The following CA14 variants were observed in gnomAD, a reference collection of about 807,000 sequenced individuals.
CA14 encodes the protein CA-XIV.
Under a neutral mutation model 48.8 loss-of-function variants are expected in CA14, and 44 were observed. The observed-to-expected ratio is 0.90, with a 90% CI of 0.71 to 1.16. The LOEUF (loss-of-function observed/expected upper bound fraction) is 1.16, where lower values mean the gene tolerates loss of function less well. CA14 is among the 50% of genes most tolerant of loss of function. The pLI is 0.00. For synonymous variants in CA14, 154 were observed against 155.0 expected (o/e 0.99, Z 0.05); for missense variants, 386 against 401.0 (o/e 0.96, Z 0.32).
At chr1:150,258,240 G>T in intron 1 of CA14, 57 bp downstream of exon 1, 2 of 1,465,962 alleles carry the variant, frequency 1.4e-6, no homozygotes, top group Non-Finnish European at 9.5e-7. Flanking sequence ...ATGTCGCCAG[G>T]TGTGCTTAAT....
At position 150,263,284 on chromosome 1, in the gene CA14, GC is replaced by G. The variant is rs782579828; in HGVS notation, c.721-14del. 6.2e-7 allele frequency: 1 copy of G among 1,614,038 alleles called. No individual in the cohort carries two copies. The highest frequency in any genetic ancestry group is 1.1e-5 in the South Asian group (1 of 91,074). Reference sequence around the variant, plus strand: ...CTCCCCAAAGTAACACCTCTCCCACGCTTCTGCTCCTCAGCTGGAAAAGCTT... The same window carrying G: ...CTCCCCAAAGTAACACCTCTCCCACGTTCTGCTCCTCAGCTGGAAAAGCTT... On this transcript the variant is annotated splice_polypyrimidine_tract_variant and intron_variant, in intron 7 of 10. Coordinates refer to ENST00000369111, the MANE Select transcript of CA14 (RefSeq NM_012113.3).
rs1007939345 is a variant in CA14, at chr1:150,263,081, T to G, written c.602T>G (p.Leu201Arg). Residue 201 changes from leucine to arginine, a missense_variant, in exon 7 of 11, where the codon CTG (leucine) becomes CGG (arginine). By Grantham distance (102) the Leu-to-Arg change is moderately radical. Coordinates refer to ENST00000369111, the MANE Select transcript of CA14 (RefSeq NM_012113.3). ...TSVPPFNLRE[L>R]LPKQLGQYFR... ...GTGCCTCCCTTCAACCTAAGAGAGC[T>G]GCTCCCCAAACAGCTGGGGCAGTAC... 1 of 1,614,122 alleles carries G rather than the reference T, an allele frequency of 6.2e-7. No homozygotes were observed. Among genetic ancestry groups the G allele is most frequent in the Non-Finnish European group, 8.5e-7 (1 of 1,179,994 alleles).
chr1:150,263,120 G>A lies in CA14; in HGVS notation c.641G>A (p.Gly214Asp). 1 of 1,614,050 alleles carries A rather than the reference G, an allele frequency of 6.2e-7. No individual in the cohort carries two copies. The highest frequency in any genetic ancestry group is 8.5e-7 in the Non-Finnish European group (1 of 1,179,992). Residue 214 changes from glycine to aspartate, a missense_variant, in exon 7 of 11, where the codon GGC becomes GAC. Transcript: ENST00000369111. ...CTGGGGCAGTACTTCCGCTACAATG[G>A]CTCGCTCACAACTCCCCCTTGCTAC... is the stretch of plus-strand genomic sequence containing the variant. The part of the protein sequence containing the change: ...KQLGQYFRYN[G>D]SLTTPPCYQS...
At position 150,263,059 on chromosome 1, in the gene CA14, C is replaced by T. The variant is rs781893937; in HGVS notation, c.580C>T (p.Pro194Ser). The T allele has an allele frequency of 6.8e-6, 11 of 1,613,982 alleles. No individual in the cohort carries two copies. In the Admixed American group the frequency reaches 1.7e-4, roughly 24 times the overall value. Reference sequence around the variant, plus strand: ...CTCCCCAGATCAGAAGACCTCAGTGCCTCCCTTCAACCTAAGAGAGCTGCT... The same window carrying T: ...CTCCCCAGATCAGAAGACCTCAGTGTCTCCCTTCAACCTAAGAGAGCTGCT... ...VRHKDQKTSVPPFNLRELLPK... is the reference protein window; with the variant it reads ...VRHKDQKTSVSPFNLRELLPK... The change falls in exon 7 of 11, where the codon CCT becomes TCT. Residue 194 changes from proline (P) to serine (S), a missense_variant. Pro to Ser is a moderately conservative substitution (Grantham distance 74). Transcript: ENST00000369111.
rs1650697712 is a variant in CA14, at chr1:150,258,107, CT to C, written c.-21del. The C allele has an allele frequency of 1.2e-6, 2 of 1,602,050 alleles. No homozygotes were observed. The highest frequency in any genetic ancestry group is 1.7e-5 in the Admixed American group (1 of 59,358). ...CTCTAGTCCTCAAATTCCCAGTCCC[CT>C]GCACCCCTTCCTGGGACACTATGTT... On this transcript the variant is annotated 5_prime_UTR_variant, in exon 1 of 11. Transcript: ENST00000369111.
rs782077787 is a variant in CA14, at chr1:150,263,159, G to C, written c.680G>C (p.Trp227Ser). Residue 227 changes from tryptophan (W) to serine (S), a missense_variant, in exon 7 of 11, where the codon TGG (tryptophan) becomes TCG (serine). Transcript: ENST00000369111. ...TTPPCYQSVLWTVFYRRSQIS... is the reference protein window; with the variant it reads ...TTPPCYQSVLSTVFYRRSQIS... Reference sequence around the variant, plus strand: ...CCCCCTTGCTACCAGAGTGTGCTCTGGACAGTTTTTTATAGAAGGTCCCAG... The same window carrying C: ...CCCCCTTGCTACCAGAGTGTGCTCTCGACAGTTTTTTATAGAAGGTCCCAG... 1 of 1,614,102 alleles carries C rather than the reference G, an allele frequency of 6.2e-7. No individual in the cohort carries two copies. Among genetic ancestry groups the C allele is most frequent in the Admixed American group, 1.7e-5 (1 of 60,018 alleles).
Position 150,264,771 on chromosome 1 carries a change from G to C in CA14, c.*112G>C. Reference sequence around the variant, plus strand: ...AACACTGTAGGAGTAGTAAGCAGATGTCCTCCTTCCCCTGGACATCTCCTA... The same window carrying C: ...AACACTGTAGGAGTAGTAAGCAGATCTCCTCCTTCCCCTGGACATCTCCTA... On this transcript the variant is annotated 3_prime_UTR_variant, in exon 11 of 11. Transcript: ENST00000369111. 1 of 709,550 alleles carries C rather than the reference G, an allele frequency of 1.4e-6. No homozygotes were observed. The highest frequency in any genetic ancestry group is 2.3e-6 in the Non-Finnish European group (1 of 429,046). The allele number at this position is 709,550 out of a possible 1,614,324, so 44.0% of individuals were successfully genotyped here. A position where few individuals can be genotyped will look rare whatever the true frequency, so the allele number is the denominator to read the frequency against.
In CA14 at chr1:150,262,628, GC is replaced by G; in HGVS notation, c.495+13del. ...CTGGGCATCCTAATTGAGGTCAGTAGCCCCCAGTCCCTTCCAGGTTTCTCTC... is the reference window on the plus strand; with the variant it reads ...CTGGGCATCCTAATTGAGGTCAGTAGCCCCAGTCCCTTCCAGGTTTCTCTC... On this transcript the variant is annotated intron_variant, in intron 5 of 10. Transcript: ENST00000369111. 1.2e-6 allele frequency: 2 copies of G among 1,602,422 alleles called. No individual in the cohort carries two copies. The highest frequency in any genetic ancestry group is 1.7e-6 in the Non-Finnish European group (2 of 1,169,364).
Position 150,258,107 on chromosome 1 carries a change from C to T in CA14, c.-22C>T, listed in dbSNP as rs988318449. The T allele has an allele frequency of 6.9e-6, 11 of 1,602,050 alleles. No homozygotes were observed. Among genetic ancestry groups the T allele is most frequent in the African/African-American group, 1.3e-5 (1 of 74,654 alleles). On this transcript the variant is annotated 5_prime_UTR_variant, in exon 1 of 11. Transcript: ENST00000369111. The stretch of plus-strand genomic sequence containing the variant: ...CTCTAGTCCTCAAATTCCCAGTCCC[C>T]TGCACCCCTTCCTGGGACACTATGT...
rs782042950 is a variant in CA14, at chr1:150,261,608, C to A, written c.226C>A (p.Pro76Thr). 1 of 1,614,068 alleles carries A rather than the reference C, an allele frequency of 6.2e-7. No individual in the cohort carries two copies. The highest frequency in any genetic ancestry group is 8.5e-7 in the Non-Finnish European group (1 of 1,179,966). The change falls in exon 3 of 11, where the codon CCT (proline) becomes ACT (threonine). Residue 76 changes from proline (P) to threonine (T), a missense_variant. Transcript: ENST00000369111. ...PHGYDQPGTE[P>T]LDLHNNGHTV... ...CGGATATGACCAGCCTGGCACCGAG[C>A]CTTTGGACCTGCACAACAATGGCCA...
intron 3 of CA14, 58 bp from the exon 4 acceptor site, chr1:150,262,100 A>G: frequency 6.2e-7 from 1 of 1,607,922 alleles, no homozygotes; most frequent in Non-Finnish European, 8.5e-7. Flanking sequence ...GTGGCAACCC[A>G]GGAGTGGGAA....
At chr1:150,263,915 C>CTTCT (rs1651378713) in intron 10 of CA14, 37 bp downstream of exon 10, 1 of 788,632 alleles carries the variant, frequency 1.3e-6, no homozygotes, top group Non-Finnish European at 1.9e-6. Flanking sequence ...GTCCCTTCTT[C>CTTCT]TTTTTTTTTT....
Position 150,258,088 on chromosome 1 carries a change from T to G in CA14, c.-41T>G. 6.5e-7 allele frequency: 1 copy of G among 1,533,942 alleles called. No homozygotes were observed. Among genetic ancestry groups the G allele is most frequent in the Non-Finnish European group, 9.0e-7 (1 of 1,116,962 alleles). ...CTCTCTGCCTGTCCTAGTCCTCTAG[T>G]CCTCAAATTCCCAGTCCCCTGCACC... On this transcript the variant is annotated 5_prime_UTR_variant, in exon 1 of 11. Coordinates refer to ENST00000369111, the MANE Select transcript of CA14 (RefSeq NM_012113.3).
intron 2 of CA14, 28 bp from the exon 3 acceptor site, chr1:150,261,431 G>A (rs368343263): frequency 4.3e-4 from 685 of 1,605,292 alleles, no homozygotes; most frequent in Non-Finnish European, 5.5e-4. Context: ...TGGAGGACAG[G>A]ACCAATGTCT....
chr1:150,261,680 A>T (rs781859421), intron 3 of CA14, 42 bp downstream of exon 3: 4 of 1,574,838 alleles, frequency 2.5e-6, no homozygotes, highest in Non-Finnish European at 3.5e-6. Context: ...TCCAGCTCAG[A>T]TCTTAGGAGT....
Position 150,260,751 on chromosome 1 carries a change from G to GAC in CA14, c.76+580_76+581insAC, listed in dbSNP as rs1168655049. On this transcript the variant is annotated intron_variant, in intron 2 of 10. Transcript: ENST00000369111. The stretch of plus-strand genomic sequence containing the variant: ...CCTCCAGGAGACCGTATCTCTCTAG[G>GAC]TTATTTTTTTTTTTTTTTTTTTTTT... 1.9e-5 allele frequency: 2 copies of GAC among 103,340 alleles called. 1 individual carries two copies. The highest frequency in any genetic ancestry group is 3.7e-5 in the Non-Finnish European group (2 of 54,252). The allele number at this position is 103,340 out of a possible 1,614,324, so 6.4% of individuals were successfully genotyped here.
chr1:150,263,912 C>CTTATTT, intron 10 of CA14, 34 bp downstream of exon 10: 1 of 997,822 alleles, frequency 1.0e-6, no homozygotes, highest in Non-Finnish European at 1.4e-6. Context: ...CCAGTCCCTT[C>CTTATTT]TTCTTTTTTT....
In CA14 at chr1:150,261,629, G is replaced by A. The variant is rs139115533; in HGVS notation, c.247G>A (p.Gly83Ser). The stretch of plus-strand genomic sequence containing the variant: ...CGAGCCTTTGGACCTGCACAACAAT[G>A]GCCACACAGGTAAAAGCACAGGCTC... ...GTEPLDLHNN[G>S]HTVQLSLPST... Residue 83 changes from glycine (G) to serine (S), a missense_variant, in exon 3 of 11, where the codon GGC becomes AGC. Transcript: ENST00000369111. 164 of 1,613,622 alleles carry A rather than the reference G, an allele frequency of 1.0e-4. No homozygotes were observed. Among genetic ancestry groups the A allele is most frequent in the Non-Finnish European group, 1.3e-4 (153 of 1,179,826 alleles).
chr1:150,261,155 C>T lies in CA14; in HGVS notation c.77-304C>T, dbSNP rs1046551228. On this transcript the variant is annotated intron_variant, in intron 2 of 10. Coordinates refer to ENST00000369111, the MANE Select transcript of CA14 (RefSeq NM_012113.3). ...GTTTTCTATGCATCCCCTCTGCCCT[C>T]ATTCAGCTTTCTTGTCCTCAAAATA... The T allele has an allele frequency of 1.1e-4, 40 of 379,462 alleles. No homozygotes were observed. The East Asian group carries it at 2.0e-3, about 19-fold the overall frequency. 23.5% of individuals were successfully genotyped at this position (379,462 alleles called of 1,614,324 possible).
Sources: gnomAD v4.1 joint callset for allele counts on GRCh38, gnomAD v4.1.1 for gene constraint, MANE v1.5 for transcripts, NCBI Gene and HGNC (gene_info 2026-07-23, HGNC 2026-07-21) for gene names.